Variants in BMP1 observed in about 807,000 individuals in gnomAD.
BMP1 encodes mammalian tolloid protein.
In BMP1, 63 loss-of-function variants were observed where a neutral mutation model predicts 116.8. The ratio of observed to expected loss-of-function variants is 0.54; its 90% CI spans 0.44 to 0.67. BMP1 has a LOEUF of 0.67. BMP1 is among the 30% of genes least tolerant of loss of function. BMP1 has a pLI of 0.00. For missense variants in BMP1, 1,183 were observed against 1,358.9 expected, an observed-to-expected ratio of 0.87 and a Z score of 2.04; for synonymous variants, 536 against 533.4, an observed-to-expected ratio of 1.00 and a Z score of -0.07.
rs149803250 is a variant in BMP1 at position 22,196,774 on chromosome 8, G to A, written c.1860G>A (p.Gln620=). ...CCCCCAACAAGAACTGCATCTGGCA[G>A]CTGGTGGCCCCCACCCAGTACCGCA... is the stretch of plus-strand genomic sequence containing the variant. ...EYPPNKNCIW[Q]LVAPTQYRIS... The change falls in exon 14 of 20, where the codon CAG becomes CAA. Residue 620 remains glutamine (Q), a synonymous_variant. Transcript: ENST00000306385. 2.2e-5 allele frequency: 35 copies of A among 1,613,982 alleles called. No individual in the cohort carries two copies. The highest frequency in any genetic ancestry group is 2.7e-5 in the Non-Finnish European group (32 of 1,180,020).
At chr8:22,205,909 A>G (rs1160524288) in intron 16 of BMP1, among the ~76,000 whole-genome samples, 1 of 152,230 alleles carries the variant, frequency 6.6e-6, no homozygotes, top group Non-Finnish European at 1.5e-5. Flanking sequence ...GGATGATGAC[A>G]AAGCCCTCAA....
chr8:22,201,786 T>C lies in BMP1; in HGVS notation c.2108-17T>C, dbSNP rs1829268711. On this transcript the variant is annotated splice_polypyrimidine_tract_variant and intron_variant, in intron 15 of 19. Coordinates refer to ENST00000306385, the MANE Select transcript of BMP1 (RefSeq NM_006129.5). ...CCTGCACAGACCCAGCGTCTGCCCT[T>C]ATTTGCTCCCCTGCAGACAAGGACG... The C allele has an allele frequency of 1.2e-6, 2 of 1,612,552 alleles. No individual in the cohort carries two copies. Among genetic ancestry groups the C allele is most frequent in the South Asian group, 2.2e-5 (2 of 91,018 alleles).
intron 3 of BMP1, 58 bp downstream of exon 3, chr8:22,176,371 C>G: frequency 6.4e-7 from 1 of 1,563,168 alleles, no homozygotes; most frequent in South Asian, 1.2e-5. Flanking sequence ...GGCCTTGTGG[C>G]AGCCCTGCCA....
At chr8:22,178,528 G>A (rs947249217) in intron 6 of BMP1, among the ~76,000 whole-genome samples, 3 of 151,910 alleles carry the variant, frequency 2.0e-5, no homozygotes, top group African/African-American at 4.8e-5. Context: ...CTCCCACCTC[G>A]GCCTCCCAAA....
intron 16 of BMP1, among the ~76,000 whole-genome samples, chr8:22,205,216 G>T (rs527701936): frequency 6.6e-6 from 1 of 152,268 alleles, no homozygotes; most frequent in African/African-American, 2.4e-5. Context: ...TGAGGAGGGG[G>T]CTGGATGTTT....
intron 8 of BMP1, 49 bp downstream of exon 8, chr8:22,180,532 A>C (rs1828588880): frequency 1.3e-6 from 2 of 1,534,372 alleles, no homozygotes; most frequent in Non-Finnish European, 1.8e-6. Flanking sequence ...GCGGGTCCCC[A>C]TACCTCAGGG....
chr8:22,179,091 C>T lies in BMP1; in HGVS notation c.837-614C>T, dbSNP rs1047045119. On this transcript the variant is annotated intron_variant, in intron 6 of 19. Coordinates refer to ENST00000306385, the MANE Select transcript of BMP1 (RefSeq NM_006129.5). The surrounding 1 kb of genome is among the most constrained non-coding windows in gnomAD (Gnocchi z 4.6). Reference sequence around the variant, plus strand: ...GGTGGAGGGCTGCCTGCCTCCCCTTCACTCTGCTCCTCCCAGTGCAAACAC... The same window carrying T: ...GGTGGAGGGCTGCCTGCCTCCCCTTTACTCTGCTCCTCCCAGTGCAAACAC... Among the ~76,000 whole-genome samples, 5 of 152,212 alleles carry T rather than the reference C, an allele frequency of 3.3e-5. No individual in the cohort carries two copies. The highest frequency in any genetic ancestry group is 4.1e-4 in the South Asian group (2 of 4,826).
At chr8:22,209,791 A>C in intron 19 of BMP1, 96 bp downstream of exon 19, 3 of 1,392,184 alleles carry the variant, frequency 2.2e-6, no homozygotes, top group African/African-American at 1.4e-5. Context: ...TAGCGCCCAC[A>C]CAGGCCCCGG....
At position 22,209,578 on chromosome 8, in the gene BMP1, G is replaced by C; in HGVS notation, c.2709G>C (p.Glu903Asp). Residue 903 changes from glutamate (E) to aspartate (D), a missense_variant, in exon 19 of 20, where the codon GAG becomes GAC. Around this residue, in one of 4 missense-constraint regions of BMP1, gnomAD observed 956 missense variants for 1,135.2 expected, o/e 0.84. Transcript: ENST00000306385. Reference sequence around the variant, plus strand: ...TGGCCGAGGAAGGCTACGGCGTGGAGCTCGTGTTCCAGACCTTTGAGGTGG... The same window carrying C: ...TGGCCGAGGAAGGCTACGGCGTGGACCTCGTGTTCCAGACCTTTGAGGTGG... ...VIVAEEGYGV[E>D]LVFQTFEVEE... The C allele has an allele frequency of 6.2e-7, 1 of 1,614,242 alleles. No individual in the cohort carries two copies. The highest frequency in any genetic ancestry group is 8.5e-7 in the Non-Finnish European group (1 of 1,180,034).
At chr8:22,198,295 C>G (rs1829149558) in intron 15 of BMP1, 1 of 152,268 alleles carries the variant, frequency 6.6e-6, no homozygotes, top group South Asian at 2.1e-4. Context: ...GCTGCCCCAC[C>G]TAAGGCCTGG....
chr8:22,197,244 G>A lies in BMP1; in HGVS notation c.1931G>A (p.Cys644Tyr). 1 of 1,608,754 alleles carries A rather than the reference G, an allele frequency of 6.2e-7. No individual in the cohort carries two copies. The highest frequency in any genetic ancestry group is 8.5e-7 in the Non-Finnish European group (1 of 1,175,516). Reference sequence around the variant, plus strand: ...TGGAGCTGGGCTTCCCTGCAGGTGTGCAAGTACGACTTCGTGGAGGTGCGC... The same window carrying A: ...TGGAGCTGGGCTTCCCTGCAGGTGTACAAGTACGACTTCGTGGAGGTGCGC... ...DFFETEGNDVCKYDFVEVRSG... is the reference protein window; with the variant it reads ...DFFETEGNDVYKYDFVEVRSG... Residue 644 changes from cysteine to tyrosine, a missense_variant, in exon 15 of 20, where the codon TGC becomes TAC. Cys to Tyr is a radical substitution (Grantham distance 194, BLOSUM62 -2). Transcript: ENST00000306385.
At chr8:22,208,357 C>T (rs145020097) in intron 18 of BMP1, among the ~76,000 whole-genome samples, 2 of 152,232 alleles carry the variant, frequency 1.3e-5, no homozygotes, top group Non-Finnish European at 1.5e-5. Flanking sequence ...CTAAGGGGCA[C>T]GTGGCCTGAA....
chr8:22,193,225 A>G (rs1053579966), intron 9 of BMP1, among the ~76,000 whole-genome samples: 7 of 152,178 alleles, frequency 4.6e-5, no homozygotes, highest in African/African-American at 1.7e-4. Flanking sequence ...TTTTATTTCA[A>G]AGTGGACATT....
chr8:22,209,355 C>T, intron 18 of BMP1, 90 bp from the exon 19 acceptor site: 1 of 1,545,134 alleles, frequency 6.5e-7, no homozygotes, highest in Non-Finnish European at 8.7e-7. Context: ...AGGCCTCCAT[C>T]CTGCCGTGAG....
intron 1 of BMP1, among the ~76,000 whole-genome samples, chr8:22,166,038 C>A (rs946823766): frequency 1.3e-5 from 2 of 151,958 alleles, no homozygotes; most frequent in African/African-American, 4.8e-5. Context: ...AGGCCTGAGT[C>A]TCCAAGGAGC....
intron 8 of BMP1, among the ~76,000 whole-genome samples, chr8:22,188,712 C>T (rs1197023142): frequency 6.6e-6 from 1 of 152,198 alleles, no homozygotes; most frequent in Non-Finnish European, 1.5e-5. Flanking sequence ...ATGCAGGTTT[C>T]TTCCTCCTGA....
chr8:22,180,252 C>T, intron 7 of BMP1, 116 bp from the exon 8 acceptor site: 1 of 808,982 alleles, frequency 1.2e-6, no homozygotes, highest in South Asian at 1.5e-5. Context: ...GACACCCTCC[C>T]ACTCCTCAGG....
At position 22,179,667 on chromosome 8, in the gene BMP1, A is replaced by G. The variant is rs1417223540; in HGVS notation, c.837-38A>G. 1 of 1,611,754 alleles carries G rather than the reference A, an allele frequency of 6.2e-7. No homozygotes were observed. Among genetic ancestry groups the G allele is most frequent in the East Asian group, 2.2e-5 (1 of 44,778 alleles). ...GCCACCCACTCCCTGCCCACTGTCC[A>G]TGAGACGCTCACCCTTACTTTTCTC... On this transcript the variant is annotated intron_variant, in intron 6 of 19. Coordinates refer to ENST00000306385, the MANE Select transcript of BMP1 (RefSeq NM_006129.5). This position sits in a 1 kb window ranked among gnomAD's most constrained non-coding sequence, Gnocchi z 4.6.
At chr8:22,208,280 G>A (rs1829402067) in intron 18 of BMP1, among the ~76,000 whole-genome samples, 1 of 152,212 alleles carries the variant, frequency 6.6e-6, no homozygotes, top group Admixed American at 6.5e-5. Flanking sequence ...GCCCTTGAGG[G>A]GCTTGCTCGG....
Sources: allele counts gnomAD v4.1 joint callset (sites outside exome capture counted in the v4.1 genomes callset), GRCh38; gene constraint gnomAD v4.1.1; regional missense constraint gnomAD v4.1.1; non-coding constraint Gnocchi (gnomAD v3.1); transcripts MANE v1.5; gene names NCBI Gene and HGNC (gene_info 2026-07-23, HGNC 2026-07-21).